The following KCNQ5 variants were observed in gnomAD, a reference collection of about 807,000 sequenced individuals.
KCNQ5 encodes potassium voltage-gated channel subfamily Q member 5.
KCNQ5 carries 30 observed loss-of-function variants against 98.2 expected under a neutral mutation model. The ratio of observed to expected loss-of-function variants is 0.31; its 90% confidence interval spans 0.23 to 0.41. The LOEUF (loss-of-function observed/expected upper bound fraction) is 0.41, where lower values mean the gene tolerates loss of function less well. Ranked by LOEUF, KCNQ5 falls within the 10% of genes least tolerant of loss-of-function variation. The pLI is 1.00. For missense variants in KCNQ5, 835 were observed against 1,182.5 expected (o/e 0.71, Z 4.31); for synonymous variants, 458 against 449.4 (o/e 1.02, Z -0.24).
rs181913515 is a variant in KCNQ5, at chr6:72,875,154, C to A, written c.399-128754C>A. On this transcript the variant is annotated intron_variant, in intron 1 of 13. Transcript: ENST00000370398. ...TTAAAGTAGTTAATACAATATTGCT[C>A]AAAACTCTTTTACAGAAAGTCCATT... Among the ~76,000 whole-genome samples the A allele has an allele frequency of 1.4e-4, 21 of 152,214 alleles. No individual in the cohort carries two copies. The East Asian group carries it at 4.1e-3, about 29-fold the overall frequency.
chr6:73,063,686 T>TAGATAGATAGATAGATGATAGATAGATA (rs55995543), intron 3 of KCNQ5, among the ~76,000 whole-genome samples: 1 of 93,244 alleles, frequency 1.1e-5, no homozygotes, highest in South Asian at 4.6e-4. Context: ...GATAGATAGA[T>TAGATAGATAGATAGATGATAGATAGATA]GATAGATAGA....
chr6:72,941,321 TTTCC>T (rs1207605174), intron 1 of KCNQ5, among the ~76,000 whole-genome samples: 65 of 65,332 alleles, frequency 9.9e-4, no homozygotes, highest in South Asian at 1.8e-3. Flanking sequence ...TCCTTCCTTC[TTTCC>T]TTCCTTCCTT....
chr6:73,044,914 C>A (rs980156057), intron 3 of KCNQ5, among the ~76,000 whole-genome samples: 1 of 152,104 alleles, frequency 6.6e-6, no homozygotes, highest in African/African-American at 2.4e-5. Flanking sequence ...GTTGAGCATT[C>A]GAGAAAAGAA....
Position 72,753,707 on chromosome 6 carries a change from T to G in KCNQ5, c.398+131120T>G, listed in dbSNP as rs192632015. Among the ~76,000 whole-genome samples the G allele has an allele frequency of 1.9e-3, 283 of 152,248 alleles. 2 individuals carry two copies. Among genetic ancestry groups the G allele is most frequent in the Admixed American group, 0.013 (196 of 15,268 alleles). On this transcript the variant is annotated intron_variant, in intron 1 of 13. Coordinates refer to ENST00000370398, the MANE Select transcript of KCNQ5 (RefSeq NM_019842.4). The stretch of plus-strand genomic sequence containing the variant: ...TGATGGTGAACATCTTTTCACATGA[T>G]GTTTGCCACTCATAGCTCAAGTGAT...
intron 1 of KCNQ5, among the ~76,000 whole-genome samples, chr6:72,633,569 A>C (rs529829954): frequency 9.8e-5 from 15 of 152,392 alleles, no homozygotes; most frequent in African/African-American, 3.1e-4. Flanking sequence ...GAACCAAAAA[A>C]GAACCCGAAT....
At position 72,811,537 on chromosome 6, in the gene KCNQ5, C is replaced by T. The variant is rs79355201; in HGVS notation, c.398+188950C>T. Among the ~76,000 whole-genome samples the T allele has an allele frequency of 3.2e-3, 480 of 152,270 alleles. 2 individuals carry two copies. The highest frequency in any genetic ancestry group is 5.9e-3 in the Non-Finnish European group (402 of 68,022). ...TACTAAAAAAGAATGCTATATTCTA[C>T]CAGTAGTTTTCGTAAAAGAGTAAGA... On this transcript the variant is annotated intron_variant, in intron 1 of 13. Transcript: ENST00000370398.
intron 9 of KCNQ5, among the ~76,000 whole-genome samples, chr6:73,127,669 T>C (rs1776046314): frequency 6.6e-6 from 1 of 152,226 alleles, no homozygotes; most frequent in African/African-American, 2.4e-5. Context: ...ATTTTGTCTT[T>C]CTACACTGAG....
chr6:72,875,907 A>G (rs2150167483), intron 1 of KCNQ5, among the ~76,000 whole-genome samples: 1 of 152,116 alleles, frequency 6.6e-6, no homozygotes, highest in Admixed American at 6.5e-5. Context: ...TCCTCAGTTT[A>G]CATTTCTATA....
intron 11 of KCNQ5, among the ~76,000 whole-genome samples, chr6:73,170,566 C>CA (rs11390332): frequency 0.4 from 54,651 of 136,508 alleles, 13,531 homozygotes; most frequent in African/African-American, 0.67. Flanking sequence ...AACTATATTG[C>CA]AAAAAAAAAA....
chr6:73,051,460 A>T (rs564466065), intron 3 of KCNQ5, among the ~76,000 whole-genome samples: 30 of 152,244 alleles, frequency 2.0e-4, no homozygotes, highest in African/African-American at 7.0e-4. Flanking sequence ...GGCTGGCACC[A>T]CCCATCAGAG....
chr6:72,854,083 T>C (rs1241446415), intron 1 of KCNQ5, among the ~76,000 whole-genome samples: 1 of 152,156 alleles, frequency 6.6e-6, no homozygotes, highest in Non-Finnish European at 1.5e-5. Flanking sequence ...AATGACCTAA[T>C]AAACGGATAT....
chr6:73,126,292 A>G (rs1775985711), intron 9 of KCNQ5, among the ~76,000 whole-genome samples: 1 of 152,220 alleles, frequency 6.6e-6, no homozygotes, highest in Non-Finnish European at 1.5e-5. Context: ...CGGAGCTGTT[A>G]ACACCTAAAA....
rs2150529819 is a variant in KCNQ5, at chr6:73,197,191, C to T, written c.*1777C>T. 6.6e-6 allele frequency: 1 copy of T among 152,376 alleles called. No individual in the cohort carries two copies. Among genetic ancestry groups the T allele is most frequent in the South Asian group, 2.1e-4 (1 of 4,810 alleles). 9.4% of individuals were successfully genotyped at this position (152,376 alleles called of 1,614,324 possible). On this transcript the variant is annotated 3_prime_UTR_variant, in exon 14 of 14. Transcript: ENST00000370398. ...CCCCTGCTTTTCTTCTTCATTAACT[C>T]CTTATTCATTCCCTGCCAGTATTTT... is the stretch of plus-strand genomic sequence containing the variant.
chr6:72,673,961 A>T (rs1767271437), intron 1 of KCNQ5, among the ~76,000 whole-genome samples: 1 of 152,218 alleles, frequency 6.6e-6, no homozygotes, highest in Admixed American at 6.5e-5. Context: ...GATAACGTGA[A>T]TCAACTTTTT....
chr6:73,165,532 A>G (rs878523), intron 10 of KCNQ5, among the ~76,000 whole-genome samples: 15,135 of 152,172 alleles, frequency 0.099, 980 homozygotes, highest in East Asian at 0.25. Flanking sequence ...CATGGTGACC[A>G]CATTGCTCAA....
chr6:73,155,603 A>G (rs181803541), intron 10 of KCNQ5, among the ~76,000 whole-genome samples: 174 of 152,354 alleles, frequency 1.1e-3, no homozygotes, highest in Non-Finnish European at 2.1e-3. Context: ...CAAGGCAACC[A>G]GAGATGTTTA....
At chr6:72,811,464 G>A (rs923007664) in intron 1 of KCNQ5, among the ~76,000 whole-genome samples, 1 of 151,992 alleles carries the variant, frequency 6.6e-6, no homozygotes, top group African/African-American at 2.4e-5. Context: ...TTATTTTTCT[G>A]TTTGTGGATA....
At chr6:72,840,955 A>G (rs780219378) in intron 1 of KCNQ5, among the ~76,000 whole-genome samples, 2 of 152,158 alleles carry the variant, frequency 1.3e-5, no homozygotes. Flanking sequence ...CCTCACCTTC[A>G]CTGAGATGCT....
chr6:72,670,244 T>C (rs1204971763), intron 1 of KCNQ5, among the ~76,000 whole-genome samples: 2 of 152,230 alleles, frequency 1.3e-5, no homozygotes, highest in African/African-American at 4.8e-5. Flanking sequence ...ATATTTTTGC[T>C]AACATTCAGT....
Sources: gnomAD v4.1 joint callset for allele counts (sites outside exome capture counted in the v4.1 genomes callset) on GRCh38, gnomAD v4.1.1 for gene constraint, MANE v1.5 for transcripts, NCBI Gene and HGNC (gene_info 2026-07-23, HGNC 2026-07-21) for gene names.